Variants in GSK3B observed in about 807,000 individuals in gnomAD.
GSK3B encodes the protein glycogen synthase kinase 3 beta.
Under a neutral mutation model 56.4 loss-of-function variants are expected in GSK3B, and 15 were observed. The observed-to-expected ratio is 0.27, with a 90% confidence interval of 0.18 to 0.41. The LOEUF is 0.41. Ranked by LOEUF, GSK3B falls within the 10% of genes least tolerant of loss-of-function variation. The pLI, the probability that GSK3B is intolerant of heterozygous loss-of-function variation, is 1.00. For missense variants in GSK3B, 300 were observed against 513.4 expected (o/e 0.58, Z 4.02); for synonymous variants, 181 against 188.9 (o/e 0.96, Z 0.34).
At chr3:120,005,011 G>A (rs111369752) in intron 1 of GSK3B, among the ~76,000 whole-genome samples, 1,537 of 152,144 alleles carry the variant, frequency 0.01, 25 homozygotes, top group African/African-American at 0.035. Context: ...CCCATTGCAA[G>A]GAAGCTAAAA....
At chr3:119,834,990 C>T (rs1240715888) in intron 10 of GSK3B, among the ~76,000 whole-genome samples, 1 of 152,136 alleles carries the variant, frequency 6.6e-6, no homozygotes, top group Non-Finnish European at 1.5e-5. Flanking sequence ...GGGGTAGATA[C>T]AATCTCATTG....
chr3:120,039,924 C>G (rs550110508), intron 1 of GSK3B, among the ~76,000 whole-genome samples: 6 of 152,334 alleles, frequency 3.9e-5, no homozygotes, highest in Non-Finnish European at 7.4e-5. Flanking sequence ...GGGAAAGGGT[C>G]TTGGTCCTCT....
At chr3:119,996,729 T>C (rs73175879) in intron 2 of GSK3B, among the ~76,000 whole-genome samples, 11,854 of 152,182 alleles carry the variant, frequency 0.078, 625 homozygotes, top group Non-Finnish European at 0.11. Flanking sequence ...ATTTGACATA[T>C]TCTTTCTTTA....
chr3:119,826,959 A>C (rs2055520270), intron 10 of GSK3B, 104 bp from the exon 11 acceptor site: 2 of 713,032 alleles, frequency 2.8e-6, no homozygotes, highest in East Asian at 5.0e-5. Context: ...ATGGCCTTCC[A>C]AGCTGTTATT....
intron 1 of GSK3B, among the ~76,000 whole-genome samples, chr3:120,025,723 C>A (rs1008126764): frequency 6.6e-6 from 1 of 152,060 alleles, no homozygotes; most frequent in Non-Finnish European, 1.5e-5. Context: ...GGCATCCAAA[C>A]AGAAAAAAAT....
rs2057043490 is a variant in GSK3B at position 119,941,006 on chromosome 3, T to A, written c.366+6262A>T. Among the ~76,000 whole-genome samples, 9 of 149,790 alleles carry A rather than the reference T, an allele frequency of 6.0e-5. No individual in the cohort carries two copies. In the South Asian group the frequency reaches 1.9e-3, roughly 31 times the overall value. ...CCACTACTTCTAGTACTGCAACTAT[T>A]ACTACTAATTTTTTTTTTTTTTTTT... is the stretch of plus-strand genomic sequence containing the variant. On this transcript the variant is annotated intron_variant, in intron 3 of 10. Transcript: ENST00000264235.
At chr3:119,838,966 C>T (rs1300536252) in intron 10 of GSK3B, among the ~76,000 whole-genome samples, 1 of 152,198 alleles carries the variant, frequency 6.6e-6, no homozygotes, top group Non-Finnish European at 1.5e-5. Context: ...AAAGTTGAAA[C>T]ATCTGCAAAA....
intron 9 of GSK3B, among the ~76,000 whole-genome samples, chr3:119,862,089 C>CTT (rs562186811): frequency 5.2e-5 from 7 of 135,876 alleles, no homozygotes; most frequent in Admixed American, 4.3e-4. Flanking sequence ...TAAAAGTCTT[C>CTT]TTTTTTTTTT....
intron 1 of GSK3B, among the ~76,000 whole-genome samples, chr3:120,038,208 T>G (rs946703517): frequency 2.6e-5 from 4 of 152,202 alleles, no homozygotes; most frequent in African/African-American, 4.8e-5. Flanking sequence ...TGAAGTCAAA[T>G]TATTAATTAC....
intron 2 of GSK3B, among the ~76,000 whole-genome samples, chr3:119,961,207 C>G (rs2057268322): frequency 2.0e-5 from 3 of 152,142 alleles, no homozygotes; most frequent in Admixed American, 1.3e-4. Context: ...AAAAACTGAT[C>G]AAGAGCCCTA....
At chr3:119,986,076 A>C (rs60993278) in intron 2 of GSK3B, among the ~76,000 whole-genome samples, 3,936 of 152,180 alleles carry the variant, frequency 0.026, 171 homozygotes, top group African/African-American at 0.089. Flanking sequence ...GAAAAACAAG[A>C]AATGGGGAAA....
intron 1 of GSK3B, among the ~76,000 whole-genome samples, chr3:120,058,732 A>C (rs2058211822): frequency 6.6e-6 from 1 of 152,138 alleles, no homozygotes; most frequent in African/African-American, 2.4e-5. Flanking sequence ...TAATGTGGCT[A>C]GGCATGGTGG....
intron 7 of GSK3B, 132 bp from the exon 8 acceptor site, chr3:119,876,640 C>CA (rs2056317380): frequency 3.2e-6 from 2 of 622,938 alleles, no homozygotes; most frequent in South Asian, 3.9e-5. Flanking sequence ...TTAAATAGAG[C>CA]AGTGCCATGA....
intron 2 of GSK3B, among the ~76,000 whole-genome samples, chr3:119,987,997 C>G (rs1022260669): frequency 5.3e-5 from 8 of 152,110 alleles, no homozygotes; most frequent in African/African-American, 1.9e-4. Flanking sequence ...TATGGCTACC[C>G]TAAAACTTTT....
At chr3:120,069,417 C>G (rs1234052139) in intron 1 of GSK3B, among the ~76,000 whole-genome samples, 2 of 152,084 alleles carry the variant, frequency 1.3e-5, no homozygotes, top group Non-Finnish European at 1.5e-5. Context: ...CAGTTAATAG[C>G]CTTCACGGTA....
intron 2 of GSK3B, among the ~76,000 whole-genome samples, chr3:119,997,056 G>A (rs919625135): frequency 7.9e-5 from 12 of 152,064 alleles, no homozygotes; most frequent in Non-Finnish European, 1.5e-4. Flanking sequence ...AATAAAAACT[G>A]TTCATCTAAC....
chr3:119,886,578 T>C (rs1235653245), intron 7 of GSK3B, among the ~76,000 whole-genome samples: 1 of 152,088 alleles, frequency 6.6e-6, no homozygotes, highest in African/African-American at 2.4e-5. Context: ...CATTTGCATG[T>C]TCACCACAGC....
At chr3:120,040,776 A>G (rs950039819) in intron 1 of GSK3B, among the ~76,000 whole-genome samples, 2 of 151,772 alleles carry the variant, frequency 1.3e-5, no homozygotes, top group African/African-American at 4.8e-5. Flanking sequence ...AGACCATCAC[A>G]TGGGATCCCC....
chr3:119,937,928 A>C (rs1369066694), intron 3 of GSK3B, among the ~76,000 whole-genome samples: 1 of 150,990 alleles, frequency 6.6e-6, no homozygotes, highest in Non-Finnish European at 1.5e-5. Context: ...ATCAGAAATG[A>C]AAGTGGGGCC....
Sources: allele counts gnomAD v4.1 joint callset (sites outside exome capture counted in the v4.1 genomes callset), GRCh38; gene constraint gnomAD v4.1.1; transcripts MANE v1.5; gene names NCBI Gene and HGNC (gene_info 2026-07-23, HGNC 2026-07-21).